RC3H1: variants seen among roughly 807,000 people sequenced by gnomAD.
The protein encoded by RC3H1 is roquin-1.
A neutral mutation model predicts 138.2 loss-of-function variants in RC3H1; 50 were observed. That is an observed-to-expected ratio of 0.36 (90% CI 0.29 to 0.46). The LOEUF (loss-of-function observed/expected upper bound fraction) is 0.46, where lower values mean the gene tolerates loss of function less well. Among genes scored for constraint, RC3H1 ranks in the 20% least tolerant of loss-of-function variants. The pLI is 1.00. For missense variants in RC3H1, 1,031 were observed against 1,388.1 expected (o/e 0.74, Z 4.09); for synonymous variants, 462 against 489.1 (o/e 0.94, Z 0.73).
rs61738616 is a variant in RC3H1 at position 173,970,591 on chromosome 1, T to C, written c.1248A>G (p.Thr416=). Residue 416 remains threonine (T), a synonymous_variant, in exon 9 of 20, where the codon ACA becomes ACG. Coordinates refer to ENST00000367696, the MANE Select transcript of RC3H1 (RefSeq NM_172071.4). ...TCTGCTTCATATCTCGACACATGTA[T>C]GTTTTGTATTTGCTATGCTGTGGAG... ...QQPPQHSKYK[T]YMCRDMKQRG... is the part of the protein sequence containing the mutation. 4,572 of 1,613,910 alleles carry C rather than the reference T, an allele frequency of 2.8e-3. 95 individuals carry two copies. The African/African-American group carries it at 0.046, about 16-fold the overall frequency.
chr1:173,941,540 A>T (rs555021187), intron 18 of RC3H1, 160 bp from the exon 19 acceptor site: 1 of 564,554 alleles, frequency 1.8e-6, no homozygotes, highest in African/African-American at 1.9e-5. Flanking sequence ...ATACATAAAA[A>T]CATAACAGAA....
Position 173,956,621 on chromosome 1 carries a change from T to C in RC3H1, c.2370+4456A>G, listed in dbSNP as rs1163441648. ...TTGCGGTGAGCCGAGATCGCGCCAT[T>C]GCACTCCAGCCCGGGCAACAAGAGT... On this transcript the variant is annotated intron_variant, in intron 13 of 19. Coordinates refer to ENST00000367696, the MANE Select transcript of RC3H1 (RefSeq NM_172071.4). Among the ~76,000 whole-genome samples the C allele has an allele frequency of 6.8e-5, 10 of 147,206 alleles. No homozygotes were observed. The East Asian group carries it at 2.0e-3, about 29-fold the overall frequency.
At chr1:173,971,817 G>C (rs1228820732) in intron 8 of RC3H1, among the ~76,000 whole-genome samples, 4 of 152,054 alleles carry the variant, frequency 2.6e-5, no homozygotes, top group Non-Finnish European at 5.9e-5. Context: ...TAAGCAAAAA[G>C]GAATACTGAG....
rs576386066 is a variant in RC3H1, at chr1:173,995,953, G to A, written c.-150-2818C>T. ...AATAAGATTTAAAAGACCAGAAATC[G>A]ATGCAATTGAAAAAATTGGGCTGGG... is the stretch of plus-strand genomic sequence containing the variant. On this transcript the variant is annotated intron_variant, in intron 1 of 19. Coordinates refer to ENST00000367696, the MANE Select transcript of RC3H1 (RefSeq NM_172071.4). Among the ~76,000 whole-genome samples, 93 of 152,272 alleles carry A rather than the reference G, an allele frequency of 6.1e-4. 1 individual carries two copies. The highest frequency in any genetic ancestry group is 2.0e-3 in the African/African-American group (83 of 41,560).
intron 1 of RC3H1, among the ~76,000 whole-genome samples, chr1:174,006,771 A>G (rs1462197554): frequency 6.6e-6 from 1 of 152,206 alleles, no homozygotes; most frequent in Non-Finnish European, 1.5e-5. Flanking sequence ...CCTTTTGAAC[A>G]GAACCAAAAG....
chr1:173,984,363 A>G (rs1660938224), intron 3 of RC3H1, 136 bp downstream of exon 3: 1 of 694,596 alleles, frequency 1.4e-6, no homozygotes, highest in Admixed American at 3.5e-5. Flanking sequence ...GTAGACATTT[A>G]CTTAGTATGG....
rs143493153 is a variant in RC3H1 at position 173,937,654 on chromosome 1, C to A, written c.*1067G>T. ...CTAATGATTCTGAGCAACAAGTGATCAATTCATAAACTATCCTTAAGACTC... is the reference window on the plus strand; with the variant it reads ...CTAATGATTCTGAGCAACAAGTGATAAATTCATAAACTATCCTTAAGACTC... On this transcript the variant is annotated 3_prime_UTR_variant, in exon 20 of 20. Coordinates refer to ENST00000367696, the MANE Select transcript of RC3H1 (RefSeq NM_172071.4). The A allele has an allele frequency of 3.2e-4, 49 of 152,224 alleles. No individual in the cohort carries two copies. Among genetic ancestry groups the A allele is most frequent in the Middle Eastern group, 3.4e-3 (1 of 294 alleles). The allele number at this position is 152,224 out of a possible 1,614,324, so 9.4% of individuals were successfully genotyped here. A position where few individuals can be genotyped will look rare whatever the true frequency, so the allele number is the denominator to read the frequency against.
intron 1 of RC3H1, among the ~76,000 whole-genome samples, chr1:173,997,449 T>A (rs890125779): frequency 4.6e-5 from 7 of 152,136 alleles, no homozygotes; most frequent in Non-Finnish European, 8.8e-5. Flanking sequence ...GATAGCCAAA[T>A]ATCAAAACTT....
intron 13 of RC3H1, among the ~76,000 whole-genome samples, chr1:173,955,617 C>A (rs1405210826): frequency 6.6e-6 from 1 of 151,832 alleles, no homozygotes; most frequent in African/African-American, 2.4e-5. Context: ...CCGCGCCCGG[C>A]CAATTTATAA....
Position 173,996,759 on chromosome 1 carries a change from G to A in RC3H1, c.-150-3624C>T, listed in dbSNP as rs547475061. Reference sequence around the variant, plus strand: ...ACATACCCTCTCTTCCCTCTCCATCGCCCCATAAAACCCTCCTCTCACTTT... The same window carrying A: ...ACATACCCTCTCTTCCCTCTCCATCACCCCATAAAACCCTCCTCTCACTTT... On this transcript the variant is annotated intron_variant, in intron 1 of 19. Coordinates refer to ENST00000367696, the MANE Select transcript of RC3H1 (RefSeq NM_172071.4). 5.3e-5 allele frequency among the ~76,000 whole-genome samples: 8 copies of A among 152,052 alleles called. No individual in the cohort carries two copies. In the East Asian group the frequency reaches 1.5e-3, roughly 29 times the overall value.
At chr1:173,949,137 G>C (rs575114441) in intron 14 of RC3H1, among the ~76,000 whole-genome samples, 1 of 97,402 alleles carries the variant, frequency 1.0e-5, no homozygotes, top group Admixed American at 1.7e-4. Context: ...TTTGGGGGGG[G>C]GGGTGGGGCT....
At chr1:173,983,166 GA>G in intron 4 of RC3H1, 3 of 507,070 alleles carry the variant, frequency 5.9e-6, no homozygotes, top group Admixed American at 3.8e-5. Flanking sequence ...CTACAGGTGT[GA>G]AAAAAAGGAA....
intron 1 of RC3H1, among the ~76,000 whole-genome samples, chr1:174,017,779 T>C (rs1661885478): frequency 1.1e-5 from 1 of 89,258 alleles, no homozygotes; most frequent in Non-Finnish European, 1.9e-5. Context: ...ACTCTTTTCT[T>C]GCTCAAAAAA....
chr1:173,993,581 C>A (rs191439787), intron 1 of RC3H1, among the ~76,000 whole-genome samples: 1 of 151,664 alleles, frequency 6.6e-6, no homozygotes, highest in African/African-American at 2.4e-5. Flanking sequence ...TTAGTAGAGA[C>A]GGGATTTCTC....
At chr1:173,998,429 T>C (rs1292484408) in intron 1 of RC3H1, among the ~76,000 whole-genome samples, 9 of 152,214 alleles carry the variant, frequency 5.9e-5, no homozygotes. Flanking sequence ...CTGTTGATAA[T>C]TGCTAATACA....
chr1:174,004,118 T>C lies in RC3H1; in HGVS notation c.-150-10983A>G, dbSNP rs182892310. Among the ~76,000 whole-genome samples, 408 of 150,076 alleles carry C rather than the reference T, an allele frequency of 2.7e-3. 5 individuals are homozygous for C. Among genetic ancestry groups the C allele is most frequent in the African/African-American group, 9.4e-3 (387 of 41,132 alleles). Reference sequence around the variant, plus strand: ...ATATTATTTATTTTTATTTTTATTATTTTTTGAGACAGGGTCTTGCTCTGT... The same window carrying C: ...ATATTATTTATTTTTATTTTTATTACTTTTTGAGACAGGGTCTTGCTCTGT... On this transcript the variant is annotated intron_variant, in intron 1 of 19. Transcript: ENST00000367696.
intron 11 of RC3H1, among the ~76,000 whole-genome samples, chr1:173,963,204 C>T (rs1310367488): frequency 6.6e-6 from 1 of 152,186 alleles, no homozygotes; most frequent in Non-Finnish European, 1.5e-5. Flanking sequence ...TCCCACCACA[C>T]TAATTCGTCA....
intron 17 of RC3H1, 48 bp downstream of exon 17, chr1:173,946,428 C>A: frequency 6.3e-7 from 1 of 1,580,398 alleles, no homozygotes; most frequent in Admixed American, 1.9e-5. Flanking sequence ...TTTAAAATCT[C>A]TGAGAACCCT....
At chr1:173,970,032 T>C (rs1209858175) in intron 9 of RC3H1, among the ~76,000 whole-genome samples, 1 of 152,218 alleles carries the variant, frequency 6.6e-6, no homozygotes, top group Admixed American at 6.5e-5. Flanking sequence ...TTTTCATTTT[T>C]AAAAATTATG....
Sources: gnomAD v4.1 joint callset for allele counts (sites outside exome capture counted in the v4.1 genomes callset) on GRCh38, gnomAD v4.1.1 for gene constraint, MANE v1.5 for transcripts, NCBI Gene and HGNC (gene_info 2026-07-23, HGNC 2026-07-21) for gene names.